GAK: variants seen among roughly 807,000 people sequenced by gnomAD.
GAK encodes the protein cyclin G associated kinase.
GAK carries 79 observed loss-of-function variants against 143.9 expected under a neutral mutation model. The observed-to-expected ratio is 0.55, with a 90% CI of 0.46 to 0.66. GAK has a LOEUF of 0.66. Among genes scored for constraint, GAK ranks in the 30% least tolerant of loss-of-function variants. The pLI is 0.00. For missense variants in GAK, 1,693 were observed against 1,779.7 expected (o/e 0.95, Z 0.88); for synonymous variants, 881 against 765.5 (o/e 1.15, Z -2.49).
chr4:880,726 G>A (rs1201440677), intron 15 of GAK, among the ~76,000 whole-genome samples: 1 of 152,198 alleles, frequency 6.6e-6, no homozygotes, highest in Admixed American at 6.5e-5. Context: ...TAGATTCTGG[G>A]CCAGTGATGT....
At chr4:897,519 C>T (rs1719027456) in intron 6 of GAK, among the ~76,000 whole-genome samples, 1 of 152,148 alleles carries the variant, frequency 6.6e-6, no homozygotes, top group Non-Finnish European at 1.5e-5. Flanking sequence ...CATCTATCTG[C>T]CCATCTCTGG....
chr4:910,944 C>G (rs1216669130), intron 4 of GAK, among the ~76,000 whole-genome samples: 1 of 152,146 alleles, frequency 6.6e-6, no homozygotes, highest in Non-Finnish European at 1.5e-5. Flanking sequence ...CAGACACAGC[C>G]TGAGGCTCAG....
At chr4:866,223 T>C in intron 22 of GAK, 141 bp downstream of exon 22, 2 of 796,918 alleles carry the variant, frequency 2.5e-6, no homozygotes, top group Non-Finnish European at 4.0e-6. Context: ...TGCAGGATGC[T>C]TGGGCCGCAA....
chr4:890,405 C>T (rs767544193), intron 10 of GAK, 127 bp downstream of exon 10: 105 of 637,136 alleles, frequency 1.6e-4, no homozygotes, highest in Non-Finnish European at 2.4e-4. Context: ...CCTGACCTCA[C>T]AGTCATCTCT....
chr4:851,885 G>T lies in GAK; in HGVS notation c.3373C>A (p.Pro1125Thr). ...GSSSWQTSRP[P>T]AQGASWPPQA... ...GGGGGCCATGAGGCGCCCTGGGCTG[G>T]CGGCCGACTTGTCTGCCAGGAGCTG... Residue 1125 changes from proline to threonine, a missense_variant, in exon 25 of 28, where the codon CCA becomes ACA. By Grantham distance (38) the Pro-to-Thr change is conservative. Around this residue, in one of 2 missense-constraint regions of GAK, gnomAD observed 822 missense variants for 788.7 expected, o/e 1.04. Transcript: ENST00000314167. 6.2e-7 allele frequency: 1 copy of T among 1,611,140 alleles called. No individual in the cohort carries two copies. Among genetic ancestry groups the T allele is most frequent in the Non-Finnish European group, 8.5e-7 (1 of 1,178,040 alleles).
intron 6 of GAK, among the ~76,000 whole-genome samples, chr4:897,809 C>T (rs896378854): frequency 1.4e-4 from 22 of 152,174 alleles, no homozygotes; most frequent in Admixed American, 7.9e-4. Flanking sequence ...ATTAGCTGGG[C>T]GTGGTGGTGT....
chr4:908,594 C>A (rs888456094), intron 4 of GAK, among the ~76,000 whole-genome samples: 5 of 116,596 alleles, frequency 4.3e-5, no homozygotes, highest in African/African-American at 1.2e-4. Flanking sequence ...ACCGGCCTGG[C>A]AACATAGTGA....
At chr4:854,398 T>G (rs1483685330) in intron 24 of GAK, among the ~76,000 whole-genome samples, 1 of 152,222 alleles carries the variant, frequency 6.6e-6, no homozygotes, top group Non-Finnish European at 1.5e-5. Flanking sequence ...CTCAGAGCTC[T>G]GAAGTTGGGT....
intron 3 of GAK, chr4:912,096 T>TGCGCAGGGAGGCTGC: frequency 2.1e-6 from 1 of 469,086 alleles, no homozygotes; most frequent in Non-Finnish European, 4.2e-6. Flanking sequence ...CAGGGGGCTG[T>TGCGCAGGGAGGCTGC]GCGCAGGGAG....
chr4:873,773 G>A (rs530329800), intron 18 of GAK, among the ~76,000 whole-genome samples: 1 of 152,274 alleles, frequency 6.6e-6, no homozygotes, highest in Admixed American at 6.5e-5. Context: ...CTAGGTCTTC[G>A]TGTGCAAGGG....
Position 866,284 on chromosome 4 carries a change from A to T in GAK, c.3043+80T>A. 5 of 1,434,744 alleles carry T rather than the reference A, an allele frequency of 3.5e-6. No homozygotes were observed. The South Asian group carries it at 3.7e-5, about 11-fold the overall frequency. 88.9% of individuals were successfully genotyped at this position (1,434,744 alleles called of 1,614,324 possible). On this transcript the variant is annotated intron_variant, in intron 22 of 27. Transcript: ENST00000314167. ...CCAGCCCCACCACTGCCTGAGACCC[A>T]CAGCTCTGTTTCCCACCAGAGGCTG...
rs544022721 is a variant in GAK, at chr4:872,932, C to T, written c.2055-2028G>A. Among the ~76,000 whole-genome samples the T allele has an allele frequency of 4.0e-4, 61 of 152,084 alleles. No individual in the cohort carries two copies. In the South Asian group the frequency reaches 0.011, roughly 29 times the overall value. On this transcript the variant is annotated intron_variant, in intron 18 of 27. Coordinates refer to ENST00000314167, the MANE Select transcript of GAK (RefSeq NM_005255.4). ...ACCCTGTGCTCCTCTCGCCCAGGCA[C>T]GGCGCAGGCTCACCACGCAGGGAAC...
At chr4:884,801 C>T (rs983696864) in intron 11 of GAK, among the ~76,000 whole-genome samples, 2 of 152,172 alleles carry the variant, frequency 1.3e-5, no homozygotes, top group African/African-American at 2.4e-5. Context: ...CAGAGCAGGC[C>T]GGAGGCTGCG....
chr4:900,079 T>G (rs1435927899), intron 5 of GAK, among the ~76,000 whole-genome samples: 1 of 152,186 alleles, frequency 6.6e-6, no homozygotes, highest in Non-Finnish European at 1.5e-5. Flanking sequence ...AGCGGGGAGA[T>G]GCAGTGGCAC....
chr4:868,441 C>T (rs750750072), intron 20 of GAK, 98 bp downstream of exon 20: 98 of 1,324,882 alleles, frequency 7.4e-5, no homozygotes, highest in Non-Finnish European at 9.2e-5. Flanking sequence ...TCAGCTCTGC[C>T]GGAGGCCCGT....
chr4:930,009 A>C (rs879704235), intron 1 of GAK, among the ~76,000 whole-genome samples: 1 of 152,218 alleles, frequency 6.6e-6, no homozygotes, highest in Admixed American at 6.5e-5. Flanking sequence ...GTATCCCACG[A>C]TATACAGGTT....
chr4:872,213 C>T (rs1046433895), intron 18 of GAK: 3 of 152,308 alleles, frequency 2.0e-5, no homozygotes, highest in African/African-American at 7.2e-5. Flanking sequence ...CTAAAACATC[C>T]TCTCCCTGCA....
intron 9 of GAK, among the ~76,000 whole-genome samples, chr4:890,945 CA>C (rs1349965110): frequency 6.7e-6 from 1 of 148,200 alleles, no homozygotes; most frequent in Non-Finnish European, 1.5e-5. Context: ...GTCCAACCAA[CA>C]TTTTTTTTTT....
chr4:897,677 T>C (rs1719052298), intron 6 of GAK, among the ~76,000 whole-genome samples: 1 of 152,188 alleles, frequency 6.6e-6, no homozygotes, highest in Non-Finnish European at 1.5e-5. Context: ...GTTTATTACA[T>C]TGCTCACGCC....
Sources: gnomAD v4.1 joint callset for allele counts (sites outside exome capture counted in the v4.1 genomes callset) on GRCh38, gnomAD v4.1.1 for gene constraint, gnomAD v4.1.1 regional missense constraint, MANE v1.5 for transcripts, NCBI Gene and HGNC (gene_info 2026-07-23, HGNC 2026-07-21) for gene names.